The following PC variants were observed in gnomAD, a reference collection of about 807,000 sequenced individuals.
PC encodes pyruvate carboxylase, mitochondrial.
PC carries 46 observed loss-of-function variants against 107.8 expected under a neutral mutation model. The observed-to-expected ratio is 0.43, with a 90% CI of 0.34 to 0.55. The LOEUF (loss-of-function observed/expected upper bound fraction) is 0.55. Ranked by LOEUF, PC falls within the 20% of genes least tolerant of loss-of-function variation. PC has a pLI of 0.04. For synonymous variants in PC, 662 were observed against 684.7 expected (o/e 0.97, Z 0.52); for missense variants, 1,241 against 1,643.1 (o/e 0.76, Z 4.23).
chr11:66,938,925 CAGGTTACATTTCTAGAA>C (rs1949061018), intron 3 of PC, among the ~76,000 whole-genome samples: 1 of 152,208 alleles, frequency 6.6e-6, no homozygotes, highest in Non-Finnish European at 1.5e-5. Flanking sequence ...CATGATACCA[CAGGTTACATTTCTAGAA>C]CTGGAATTGC....
intron 3 of PC, among the ~76,000 whole-genome samples, chr11:66,902,906 T>C (rs1948011513): frequency 6.6e-6 from 1 of 152,198 alleles, no homozygotes; most frequent in Non-Finnish European, 1.5e-5. Context: ...TACCCTAAAA[T>C]GCACACCCCA....
At chr11:66,917,855 C>A (rs1486553777) in intron 3 of PC, among the ~76,000 whole-genome samples, 1 of 152,156 alleles carries the variant, frequency 6.6e-6, no homozygotes, top group Non-Finnish European at 1.5e-5. Flanking sequence ...GGCACTCATA[C>A]CCTGGGGTGA....
chr11:66,863,089 C>T (rs1049176859), intron 12 of PC, among the ~76,000 whole-genome samples: 15 of 152,166 alleles, frequency 9.9e-5, no homozygotes, highest in African/African-American at 3.4e-4. Context: ...CACCTGTAAT[C>T]TCAGCATTTT....
At chr11:66,863,738 C>T (rs752712611) in intron 12 of PC, 36 bp downstream of exon 12, 49 of 1,588,818 alleles carry the variant, frequency 3.1e-5, no homozygotes, top group South Asian at 1.4e-4. Context: ...CTCCAAGGGC[C>T]GGGAGCAAAG....
intron 3 of PC, among the ~76,000 whole-genome samples, chr11:66,880,906 C>T (rs1947162295): frequency 6.6e-6 from 1 of 152,220 alleles, no homozygotes. Flanking sequence ...ATGCAGAGGG[C>T]TTTACTAACA....
chr11:66,858,234 G>A lies in PC; in HGVS notation c.1369-4851C>T, dbSNP rs780024356. ...CAACCTCCGGCAGGTGCCCTGGGCC[G>A]GCATCGGCGCCATGCCTGCCCTGCA... On this transcript the variant is annotated intron_variant, in intron 12 of 22. Coordinates refer to ENST00000393960, the MANE Select transcript of PC (RefSeq NM_001040716.2). This position sits in a 1 kb window ranked among gnomAD's most constrained non-coding sequence, Gnocchi z 5.9. The A allele has an allele frequency of 2.5e-6, 4 of 1,612,306 alleles. No homozygotes were observed. The highest frequency in any genetic ancestry group is 1.7e-5 in the Admixed American group (1 of 60,008).
At chr11:66,868,229 T>C (rs1394396166) in intron 10 of PC, among the ~76,000 whole-genome samples, 1 of 152,170 alleles carries the variant, frequency 6.6e-6, no homozygotes, top group Non-Finnish European at 1.5e-5. Context: ...AGTGACACGC[T>C]TAATAACCAC....
intron 3 of PC, among the ~76,000 whole-genome samples, chr11:66,909,135 G>T (rs1253311377): frequency 2.6e-5 from 4 of 152,194 alleles, no homozygotes; most frequent in African/African-American, 9.7e-5. Context: ...GACAATTCTT[G>T]TCCTTATCCT....
At chr11:66,855,837 G>A (rs919482081) in intron 12 of PC, among the ~76,000 whole-genome samples, 3 of 152,228 alleles carry the variant, frequency 2.0e-5, no homozygotes, top group Non-Finnish European at 2.9e-5. Context: ...TGGCCTACAG[G>A]AGGAACTTGT....
rs767444183 is a variant in PC at position 66,850,663 on chromosome 11, G to A, written c.2473+11C>T. The A allele has an allele frequency of 6.8e-6, 11 of 1,607,266 alleles. No individual in the cohort carries two copies. The highest frequency in any genetic ancestry group is 3.3e-5 in the South Asian group (3 of 91,068). On this transcript the variant is annotated intron_variant, in intron 18 of 22. Coordinates refer to ENST00000393960, the MANE Select transcript of PC (RefSeq NM_001040716.2). ...GAGAGGGGTGTGGCCACGGGCTGCTGTTCTTCCTACCTGTGTCCAGGGGAG... is the reference window on the plus strand; with the variant it reads ...GAGAGGGGTGTGGCCACGGGCTGCTATTCTTCCTACCTGTGTCCAGGGGAG...
In PC at chr11:66,918,442, G is replaced by A. The variant is rs558394077; in HGVS notation, c.-1+33988C>T. ...CTCGCTCTATTGCCCAGGCTGGAGTGCAGTGGCGCAATCTTGGCTCACTGC... is the reference window on the plus strand; with the variant it reads ...CTCGCTCTATTGCCCAGGCTGGAGTACAGTGGCGCAATCTTGGCTCACTGC... On this transcript the variant is annotated intron_variant, in intron 3 of 22. Coordinates refer to ENST00000393960, the MANE Select transcript of PC (RefSeq NM_001040716.2). Among the ~76,000 whole-genome samples, 16 of 151,284 alleles carry A rather than the reference G, an allele frequency of 1.1e-4. No homozygotes were observed. In the South Asian group the frequency reaches 3.3e-3, roughly 31 times the overall value.
chr11:66,871,226 CTG>C lies in PC; in HGVS notation c.488-31_488-30del. On this transcript the variant is annotated intron_variant, in intron 6 of 22. Coordinates refer to ENST00000393960, the MANE Select transcript of PC (RefSeq NM_001040716.2). This position sits in a 1 kb window ranked among gnomAD's most constrained non-coding sequence, Gnocchi z 7.4. ...TTGGGAGAAAGGTGTGGGGGAGTCT[CTG>C]TAACAGGCGGGAATCCCTGCCACCC... 2 of 1,613,332 alleles carry C rather than the reference CTG, an allele frequency of 1.2e-6. No individual in the cohort carries two copies. The highest frequency in any genetic ancestry group is 2.2e-5 in the South Asian group (2 of 91,018).
Position 66,857,843 on chromosome 11 carries a change from C to G in PC, c.1369-4460G>C. 1 of 1,607,422 alleles carries G rather than the reference C, an allele frequency of 6.2e-7. No homozygotes were observed. The highest frequency in any genetic ancestry group is 8.5e-7 in the Non-Finnish European group (1 of 1,179,872). ...ACCTGTCCGAGTCGCTCAGCACCCTCTGTGCCCACCGAGGCCTGCTGTTTG... is the reference window on the plus strand; with the variant it reads ...ACCTGTCCGAGTCGCTCAGCACCCTGTGTGCCCACCGAGGCCTGCTGTTTG... On this transcript the variant is annotated intron_variant, in intron 12 of 22. Coordinates refer to ENST00000393960, the MANE Select transcript of PC (RefSeq NM_001040716.2). The surrounding 1 kb of genome is among the most constrained non-coding windows in gnomAD (Gnocchi z 7.1).
At chr11:66,921,805 C>T (rs1366096454) in intron 3 of PC, among the ~76,000 whole-genome samples, 1 of 152,208 alleles carries the variant, frequency 6.6e-6, no homozygotes, top group Non-Finnish European at 1.5e-5. Context: ...GATTATTCTA[C>T]TGTTGTATTC....
In PC at chr11:66,852,488, G is replaced by C. The variant is rs1394437818; in HGVS notation, c.1776C>G (p.Pro592=). The C allele has an allele frequency of 6.2e-7, 1 of 1,614,110 alleles. No individual in the cohort carries two copies. The highest frequency in any genetic ancestry group is 2.2e-5 in the East Asian group (1 of 44,892). ...VRTHDLKKIA[P]YVAHNFSKLF... is the part of the protein sequence containing the mutation. Reference sequence around the variant, plus strand: ...GCTTGCTGAAGTTGTGGGCAACATAGGGGGCGATCTTTTTGAGATCGTGGG... The same window carrying C: ...GCTTGCTGAAGTTGTGGGCAACATACGGGGCGATCTTTTTGAGATCGTGGG... The change falls in exon 15 of 23, where the codon CCC becomes CCG. Residue 592 remains proline (P), a synonymous_variant. Transcript: ENST00000393960. The surrounding 1 kb of genome is among the most constrained non-coding windows in gnomAD (Gnocchi z 4.7).
chr11:66,917,560 G>A (rs1374111913), intron 3 of PC, among the ~76,000 whole-genome samples: 1 of 152,136 alleles, frequency 6.6e-6, no homozygotes. Context: ...CTAGAACCAG[G>A]CCGGGAGGAC....
chr11:66,894,758 G>A (rs1256614617), intron 3 of PC, among the ~76,000 whole-genome samples: 5 of 152,178 alleles, frequency 3.3e-5, no homozygotes, highest in Middle Eastern at 3.2e-3. Flanking sequence ...ACAGTGGCTC[G>A]CACCTGTAAT....
At chr11:66,956,944 G>C (rs922199559) in intron 1 of PC, among the ~76,000 whole-genome samples, 17 of 152,252 alleles carry the variant, frequency 1.1e-4, no homozygotes, top group African/African-American at 4.1e-4. Context: ...TGCAGGACAA[G>C]GATTGACCTC....
rs1352744289 is a variant in PC, at chr11:66,871,057, A to G, written c.628T>C (p.Tyr210His). 1 of 1,613,992 alleles carries G rather than the reference A, an allele frequency of 6.2e-7. No individual in the cohort carries two copies. Among genetic ancestry groups the G allele is most frequent in the South Asian group, 1.1e-5 (1 of 91,088 alleles). Residue 210 changes from tyrosine (Y) to histidine (H), a missense_variant, in exon 7 of 23, where the codon TAC becomes CAC. Tyr to His is a moderately conservative substitution (Grantham distance 83). This residue lies in a region of PC where 1,143 missense variants were observed against 1,551.9 expected (regional missense o/e 0.74). Transcript: ENST00000393960. The surrounding 1 kb of genome is among the most constrained non-coding windows in gnomAD (Gnocchi z 7.4). ...CCCTGGGCATCTTCACTCACCTCGT[A>G]GCTGTGCACCACCCTCATGCCACGC... is the stretch of plus-strand genomic sequence containing the variant. ...GGRGMRVVHS[Y>H]EELEENYTRA...
Sources: gnomAD v4.1 joint callset for allele counts (sites outside exome capture counted in the v4.1 genomes callset) on GRCh38, gnomAD v4.1.1 for gene constraint, gnomAD v4.1.1 regional missense constraint, Gnocchi (gnomAD v3.1) non-coding constraint, MANE v1.5 for transcripts, NCBI Gene and HGNC (gene_info 2026-07-23, HGNC 2026-07-21) for gene names.